Variants in RANBP2 observed in about 807,000 individuals in gnomAD.
The protein encoded by RANBP2 is E3 SUMO-protein ligase RanBP2.
A neutral mutation model predicts 303.6 loss-of-function variants in RANBP2; 57 were observed. The observed-to-expected ratio is 0.19, with a 90% CI of 0.15 to 0.23. The LOEUF is 0.23. RANBP2 is among the 10% of genes least tolerant of loss of function. The pLI is 1.00. For missense variants in RANBP2, 3,138 were observed against 3,780.8 expected (o/e 0.83, Z 4.46); for synonymous variants, 1,167 against 1,301.5 (o/e 0.90, Z 2.23).
the RANBP2 span, among the ~76,000 whole-genome samples, chr2:109,597,580 A>C: frequency 6.6e-6 from 1 of 152,182 alleles, no homozygotes; most frequent in African/African-American, 2.4e-5. Flanking sequence ...TTGACTACAC[A>C]GTCAATTTGC....
At chr2:109,574,603 G>A in the RANBP2 span, 1 of 1,579,634 alleles carries the variant, frequency 6.3e-7, no homozygotes, top group South Asian at 1.2e-5. Flanking sequence ...GTTCTTCATG[G>A]TTAAGAGATC....
chr2:109,550,995 G>C, the RANBP2 span, among the ~76,000 whole-genome samples: 6 of 152,202 alleles, frequency 3.9e-5, no homozygotes, highest in African/African-American at 1.4e-4. Flanking sequence ...CATGTAACCT[G>C]AGGGATAAAT....
the RANBP2 span, among the ~76,000 whole-genome samples, chr2:109,365,431 C>T: frequency 4.6e-5 from 7 of 152,188 alleles, no homozygotes; most frequent in African/African-American, 1.4e-4. Context: ...TTGATCTCTT[C>T]AATTTGGGGG....
chr2:109,156,826 T>A, the RANBP2 span, among the ~76,000 whole-genome samples: 1,311 of 152,266 alleles, frequency 8.6e-3, 16 homozygotes, highest in African/African-American at 0.03. Flanking sequence ...TGATTGCCAG[T>A]TTAAAACTAG....
chr2:109,607,181 C>G, the RANBP2 span, among the ~76,000 whole-genome samples: 1 of 152,138 alleles, frequency 6.6e-6, no homozygotes, highest in Non-Finnish European at 1.5e-5. Flanking sequence ...CATAATCACA[C>G]AAATAATTTG....
rs765262361 is a variant in RANBP2, at chr2:108,731,460, A to G, written c.391A>G (p.Ile131Val). ...AAKLFPGSPA[I>V]YKLKEQLLDC... ...CAAACTTTTCCCAGGAAGTCCTGCA[A>G]TTTATAAACTAAAGGTAAACAAACA... The change falls in exon 4 of 29, where the codon ATT becomes GTT. Residue 131 changes from isoleucine (I) to valine (V), a missense_variant. Transcript: ENST00000283195. 5 of 1,611,426 alleles carry G rather than the reference A, an allele frequency of 3.1e-6. No homozygotes were observed. In the East Asian group the frequency reaches 6.7e-5, roughly 22 times the overall value.
At chr2:109,285,197 G>C in the RANBP2 span, among the ~76,000 whole-genome samples, 2 of 152,204 alleles carry the variant, frequency 1.3e-5, no homozygotes, top group Non-Finnish European at 2.9e-5. Flanking sequence ...GCCTGGCACT[G>C]GCCTTCTGGT....
At chr2:108,877,205 C>T in the RANBP2 span, among the ~76,000 whole-genome samples, 4 of 152,192 alleles carry the variant, frequency 2.6e-5, no homozygotes, top group South Asian at 8.3e-4. Context: ...CGGTGGCTTA[C>T]GCCTGTAATC....
chr2:109,472,726 T>G, the RANBP2 span, among the ~76,000 whole-genome samples: 1 of 152,214 alleles, frequency 6.6e-6, no homozygotes, highest in East Asian at 1.9e-4. Context: ...TTACAGAGAT[T>G]TCATCTGAAT....
the RANBP2 span, among the ~76,000 whole-genome samples, chr2:109,036,562 C>T: frequency 6.6e-6 from 1 of 152,126 alleles, no homozygotes; most frequent in Admixed American, 6.5e-5. Context: ...GTAATTTACT[C>T]TGTTAACCAG....
chr2:109,371,524 G>C, the RANBP2 span: 85 of 1,437,064 alleles, frequency 5.9e-5, no homozygotes, highest in East Asian at 1.8e-3. Context: ...CCAGTGTCTT[G>C]CTTCCTTTTT....
intron 25 of RANBP2, among the ~76,000 whole-genome samples, chr2:108,780,540 T>C (rs114080276): frequency 0.013 from 1,876 of 149,752 alleles, 41 homozygotes; most frequent in African/African-American, 0.044. Context: ...CTTTTTTTTT[T>C]TTTTTTAAAG....
chr2:108,752,963 C>A (rs1676020809), intron 12 of RANBP2, 35 bp from the exon 13 acceptor site: 1 of 1,605,256 alleles, frequency 6.2e-7, no homozygotes, highest in African/African-American at 1.3e-5. Context: ...CATGCGTGTT[C>A]CTTAAAGTTG....
chr2:109,449,174 C>T, the RANBP2 span: 2 of 1,613,216 alleles, frequency 1.2e-6, no homozygotes, highest in African/African-American at 2.7e-5. Flanking sequence ...CTCCAGCTGC[C>T]CACTCTGCAG....
At chr2:109,269,500 G>A in the RANBP2 span, among the ~76,000 whole-genome samples, 1 of 152,204 alleles carries the variant, frequency 6.6e-6, no homozygotes, top group Non-Finnish European at 1.5e-5. Context: ...TAGTTGCCAA[G>A]CCAGGCGTGG....
At chr2:108,906,244 C>G in the RANBP2 span, 1 of 1,575,074 alleles carries the variant, frequency 6.3e-7, no homozygotes, top group East Asian at 2.2e-5. Context: ...CTCAGGGCTC[C>G]GGGCCCAGCC....
the RANBP2 span, among the ~76,000 whole-genome samples, chr2:108,972,830 C>T: frequency 6.6e-6 from 1 of 152,224 alleles, no homozygotes; most frequent in South Asian, 2.1e-4. Flanking sequence ...TCCAACCTCC[C>T]CAACCTTGGC....
the RANBP2 span, among the ~76,000 whole-genome samples, chr2:109,669,734 G>A: frequency 3.9e-5 from 6 of 152,018 alleles, no homozygotes; most frequent in Non-Finnish European, 7.4e-5. Context: ...CTCTTTTACC[G>A]GCTCCCTGGC....
intron 20 of RANBP2, among the ~76,000 whole-genome samples, chr2:108,769,619 G>A (rs983841784): frequency 1.3e-5 from 2 of 151,818 alleles, no homozygotes; most frequent in African/African-American, 4.9e-5. Context: ...TAATGTTTAT[G>A]TTTAGCCACT....
Sources: gnomAD v4.1 joint callset for allele counts (sites outside exome capture counted in the v4.1 genomes callset) on GRCh38, gnomAD v4.1.1 for gene constraint, MANE v1.5 for transcripts, NCBI Gene and HGNC (gene_info 2026-07-23, HGNC 2026-07-21) for gene names.